PCLO: variants seen among roughly 807,000 people sequenced by gnomAD.
PCLO encodes protein piccolo.
Under a neutral mutation model 427.5 loss-of-function variants are expected in PCLO, and 82 were observed. The observed-to-expected ratio is 0.19, with a 90% confidence interval of 0.16 to 0.23. The LOEUF (loss-of-function observed/expected upper bound fraction) is 0.23, where lower values mean the gene tolerates loss of function less well. PCLO is among the 10% of genes least tolerant of loss of function. PCLO has a pLI of 1.00. For synonymous variants in PCLO, 2,357 were observed against 2,155.4 expected, an observed-to-expected ratio of 1.09 and a Z score of -2.59; for missense variants, 6,239 against 6,115.9, an observed-to-expected ratio of 1.02 and a Z score of -0.67.
intron 20 of PCLO, among the ~76,000 whole-genome samples, chr7:82,818,810 T>C (rs1421309277): frequency 6.6e-6 from 1 of 152,136 alleles, no homozygotes; most frequent in East Asian, 1.9e-4. Flanking sequence ...TGTGATAAAA[T>C]GAGAAATGGA....
rs1584153692 is a variant in PCLO, at chr7:82,919,303, A to C, written c.11113-2430T>G. Among the ~76,000 whole-genome samples, 4 of 151,954 alleles carry C rather than the reference A, an allele frequency of 2.6e-5. No individual in the cohort carries two copies. In the South Asian group the frequency reaches 6.2e-4, roughly 24 times the overall value. On this transcript the variant is annotated intron_variant, in intron 6 of 24. Transcript: ENST00000333891. ...CTAGTGGGAATGAAAATGGAGGAGT[A>C]CTTGACTATTGAAGAGGCTATAACC...
intron 3 of PCLO, among the ~76,000 whole-genome samples, chr7:82,990,584 T>C (rs770613630): frequency 6.6e-6 from 1 of 152,176 alleles, no homozygotes; most frequent in Non-Finnish European, 1.5e-5. Context: ...ACTTGTCACT[T>C]GCACATCCAA....
chr7:82,994,404 GT>G (rs1226576269), intron 3 of PCLO, among the ~76,000 whole-genome samples: 1 of 151,880 alleles, frequency 6.6e-6, no homozygotes, highest in East Asian at 1.9e-4. Context: ...AGGAAGTGAC[GT>G]AAGAGCTAAG....
intron 3 of PCLO, among the ~76,000 whole-genome samples, chr7:83,057,231 G>T (rs1055538630): frequency 8.6e-5 from 12 of 139,224 alleles, no homozygotes; most frequent in Non-Finnish European, 1.7e-4. Flanking sequence ...TTCTAGTAGA[G>T]ACAGGGGTCT....
At position 82,952,225 on chromosome 7, in the gene PCLO, C is replaced by A. The variant is rs547500251; in HGVS notation, c.8728G>T (p.Val2910Leu). The A allele has an allele frequency of 6.2e-7, 1 of 1,613,772 alleles. No individual in the cohort carries two copies. The highest frequency in any genetic ancestry group is 1.7e-5 in the Admixed American group (1 of 60,000). Residue 2910 changes from valine (V) to leucine (L), a missense_variant, in exon 5 of 25, where the codon GTA becomes TTA. Around this residue, in one of 5 missense-constraint regions of PCLO, gnomAD observed 4,677 missense variants for 4,468.4 expected, o/e 1.05. Coordinates refer to ENST00000333891, the MANE Select transcript of PCLO (RefSeq NM_033026.6). ...LSTTKSHRTV[V>L]TMDESTSSVM... ...CTTGAAGTAGACTCATCCATTGTTA[C>A]GACTGTTCTGTGAGACTTGGTTGTA...
chr7:83,064,835 T>C (rs1789626496), intron 3 of PCLO, among the ~76,000 whole-genome samples: 1 of 151,992 alleles, frequency 6.6e-6, no homozygotes, highest in African/African-American at 2.4e-5. Flanking sequence ...TGAAAATAAT[T>C]GGAAAAGAAT....
chr7:82,998,588 G>C (rs1429586845), intron 3 of PCLO, among the ~76,000 whole-genome samples: 1 of 151,810 alleles, frequency 6.6e-6, no homozygotes, highest in South Asian at 2.1e-4. Flanking sequence ...CCCATATAAA[G>C]GAGAGAATGT....
intron 3 of PCLO, among the ~76,000 whole-genome samples, chr7:83,029,905 G>T (rs1265250780): frequency 6.9e-6 from 1 of 145,900 alleles, no homozygotes; most frequent in Non-Finnish European, 1.5e-5. Context: ...GGTGGGAATT[G>T]AACAATGAGA....
In PCLO at chr7:82,998,120, G is replaced by A. The variant is rs575214218; in HGVS notation, c.3301-31633C>T. Among the ~76,000 whole-genome samples the A allele has an allele frequency of 2.4e-4, 37 of 152,048 alleles. No individual in the cohort carries two copies. In the South Asian group the frequency reaches 2.7e-3, roughly 11 times the overall value. ...GAAACTCAGAAGCAAAACCTTCTAC[G>A]GAAACCAGTACTGGGGCTGGAAAAC... On this transcript the variant is annotated intron_variant, in intron 3 of 24. Coordinates refer to ENST00000333891, the MANE Select transcript of PCLO (RefSeq NM_033026.6).
intron 22 of PCLO, among the ~76,000 whole-genome samples, chr7:82,793,854 T>C (rs1583981580): frequency 1.3e-5 from 2 of 152,164 alleles, no homozygotes; most frequent in African/African-American, 4.8e-5. Context: ...GGTATGCTTC[T>C]ATGTGGTTAA....
At chr7:82,790,924 A>G (rs1038260637) in intron 22 of PCLO, among the ~76,000 whole-genome samples, 5 of 152,072 alleles carry the variant, frequency 3.3e-5, no homozygotes, top group African/African-American at 4.8e-5. Context: ...GTTTTAACAC[A>G]CTCTCTCAAT....
intron 6 of PCLO, among the ~76,000 whole-genome samples, chr7:82,942,047 C>T (rs867728403): frequency 6.6e-6 from 1 of 152,064 alleles, no homozygotes; most frequent in Admixed American, 6.6e-5. Context: ...GGCATCACAG[C>T]GGGTGCCTGT....
chr7:83,124,619 C>G (rs1259291923), intron 3 of PCLO, among the ~76,000 whole-genome samples: 1 of 152,108 alleles, frequency 6.6e-6, no homozygotes, highest in East Asian at 1.9e-4. Context: ...TCTTAAAAAG[C>G]TAAATGTAGA....
intron 9 of PCLO, among the ~76,000 whole-genome samples, chr7:82,882,888 T>G (rs1002270860): frequency 1.3e-5 from 2 of 152,118 alleles, no homozygotes; most frequent in Non-Finnish European, 2.9e-5. Context: ...TATGTGTTTA[T>G]TAATCTGCTA....
chr7:82,855,508 C>A (rs182217609), intron 10 of PCLO, among the ~76,000 whole-genome samples: 37 of 152,136 alleles, frequency 2.4e-4, no homozygotes, highest in African/African-American at 7.5e-4. Context: ...ATTTGTAATG[C>A]CATTTAAATT....
chr7:82,797,272 A>C (rs1791244692), intron 22 of PCLO, among the ~76,000 whole-genome samples: 1 of 152,186 alleles, frequency 6.6e-6, no homozygotes, highest in Admixed American at 6.5e-5. Context: ...TTGTGATTGT[A>C]ATACTTTTTA....
rs75560486 is a variant in PCLO at position 82,807,513 on chromosome 7, A to T, written c.14792-1684T>A. Among the ~76,000 whole-genome samples the T allele has an allele frequency of 6.9e-3, 1,047 of 152,302 alleles. 8 individuals carry two copies. Among genetic ancestry groups the T allele is most frequent in the Non-Finnish European group, 8.3e-3 (563 of 68,000 alleles). On this transcript the variant is annotated intron_variant, in intron 20 of 24. Coordinates refer to ENST00000333891, the MANE Select transcript of PCLO (RefSeq NM_033026.6). Reference sequence around the variant, plus strand: ...ATAATAACCACATGAAGTGAAACACATAAACATTGTGTGGGAAACCATTTG... The same window carrying T: ...ATAATAACCACATGAAGTGAAACACTTAAACATTGTGTGGGAAACCATTTG...
At chr7:82,876,250 T>C (rs1181495897) in intron 10 of PCLO, among the ~76,000 whole-genome samples, 2 of 151,960 alleles carry the variant, frequency 1.3e-5, no homozygotes, top group East Asian at 3.9e-4. Context: ...ATTTAAAAAA[T>C]CAATAATCAT....
intron 3 of PCLO, among the ~76,000 whole-genome samples, chr7:83,037,719 A>C (rs1421975786): frequency 6.6e-6 from 1 of 151,268 alleles, no homozygotes; most frequent in Non-Finnish European, 1.5e-5. Context: ...TTATCCTAAA[A>C]TATCTTCCAG....
Sources: allele counts gnomAD v4.1 joint callset (sites outside exome capture counted in the v4.1 genomes callset), GRCh38; gene constraint gnomAD v4.1.1; regional missense constraint gnomAD v4.1.1; transcripts MANE v1.5; gene names NCBI Gene and HGNC (gene_info 2026-07-23, HGNC 2026-07-21).